The following TGFBR3 variants were observed in gnomAD, a reference collection of about 807,000 sequenced individuals.
TGFBR3 encodes the protein transforming growth factor beta receptor type 3.
TGFBR3 carries 46 observed loss-of-function variants against 87.9 expected under a neutral mutation model. The ratio of observed to expected loss-of-function variants is 0.52; its 90% confidence interval spans 0.41 to 0.67. The LOEUF (loss-of-function observed/expected upper bound fraction) is 0.67. TGFBR3 is among the 30% of genes least tolerant of loss of function. The probability of loss-of-function intolerance (pLI) is 0.00; values close to 1 mark genes in which losing one functional copy is unlikely to be tolerated. For synonymous variants in TGFBR3, 381 were observed against 391.6 expected (o/e 0.97, Z 0.32); for missense variants, 866 against 1,041.9 (o/e 0.83, Z 2.32).
chr1:91,747,304 A>G (rs1444263564), intron 4 of TGFBR3, among the ~76,000 whole-genome samples: 1 of 152,188 alleles, frequency 6.6e-6, no homozygotes, highest in Non-Finnish European at 1.5e-5. Context: ...CTGGGTAGGC[A>G]AATACAGAGG....
At chr1:91,712,900 A>G (rs1053347815) in intron 12 of TGFBR3, among the ~76,000 whole-genome samples, 1 of 152,256 alleles carries the variant, frequency 6.6e-6, no homozygotes, top group Admixed American at 6.5e-5. Context: ...AAACACCAGT[A>G]GGCAAAGTCC....
intron 3 of TGFBR3, among the ~76,000 whole-genome samples, chr1:91,780,920 CACACACACACACA>C (rs1674744135): frequency 6.6e-6 from 1 of 151,074 alleles, no homozygotes; most frequent in African/African-American, 2.4e-5. Flanking sequence ...CACACACACA[CACACACACACACA>C]GAGATCTCAT....
chr1:91,862,150 G>A (rs17881430), intron 1 of TGFBR3: 38,798 of 152,588 alleles, frequency 0.25, 5,492 homozygotes, highest in Non-Finnish European at 0.31. Flanking sequence ...CACCACGCCC[G>A]GCCCTGTTTT....
At chr1:91,819,444 T>A (rs1049884692) in intron 2 of TGFBR3, among the ~76,000 whole-genome samples, 6 of 151,712 alleles carry the variant, frequency 4.0e-5, no homozygotes, top group African/African-American at 1.5e-4. Context: ...GAGCTAGGGA[T>A]CCCACAGGCT....
At chr1:91,792,204 CT>C (rs1675220232) in intron 3 of TGFBR3, among the ~76,000 whole-genome samples, 1 of 152,184 alleles carries the variant, frequency 6.6e-6, no homozygotes, top group African/African-American at 2.4e-5. Context: ...CTGCACCCTT[CT>C]TTTTCCCTTG....
intron 2 of TGFBR3, among the ~76,000 whole-genome samples, chr1:91,850,952 C>T (rs758488512): frequency 1.3e-5 from 2 of 152,056 alleles, no homozygotes; most frequent in Non-Finnish European, 2.9e-5. Flanking sequence ...TGGACTAGGA[C>T]GCAGTTACTC....
chr1:91,709,415 T>C (rs184213965), intron 13 of TGFBR3, among the ~76,000 whole-genome samples: 114 of 152,372 alleles, frequency 7.5e-4, no homozygotes, highest in African/African-American at 2.6e-3. Context: ...AATACTTAGA[T>C]TGAAAAACAG....
At chr1:91,832,060 T>C (rs1676871500) in intron 2 of TGFBR3, among the ~76,000 whole-genome samples, 1 of 152,242 alleles carries the variant, frequency 6.6e-6, no homozygotes, top group Non-Finnish European at 1.5e-5. Flanking sequence ...TAGAGCAGAC[T>C]GGCTTTTATA....
intron 1 of TGFBR3, among the ~76,000 whole-genome samples, chr1:91,870,964 A>G (rs1485508454): frequency 6.6e-6 from 1 of 152,072 alleles, no homozygotes; most frequent in Non-Finnish European, 1.5e-5. Flanking sequence ...TGAGCCCAGA[A>G]GTTCAAGGCT....
chr1:91,719,703 C>G (rs904433938), intron 9 of TGFBR3, among the ~76,000 whole-genome samples, 190 bp downstream of exon 9: 4 of 134,190 alleles, frequency 3.0e-5, no homozygotes, highest in African/African-American at 8.0e-5. Flanking sequence ...CCCCCACCCC[C>G]TGTCACTGAG....
chr1:91,802,361 T>C (rs1473207302), intron 2 of TGFBR3, among the ~76,000 whole-genome samples: 1 of 151,920 alleles, frequency 6.6e-6, no homozygotes, highest in Admixed American at 6.6e-5. Context: ...CTCCTTTTTT[T>C]TCTTTTTCTT....
intron 3 of TGFBR3, chr1:91,770,849 C>G (rs984942735): frequency 2.6e-5 from 4 of 152,168 alleles, no homozygotes; most frequent in Admixed American, 2.0e-4. Flanking sequence ...TACCACACCC[C>G]TTTTCTCTAG....
chr1:91,842,067 A>G (rs1353660056), intron 2 of TGFBR3, among the ~76,000 whole-genome samples: 1 of 151,312 alleles, frequency 6.6e-6, no homozygotes, highest in Non-Finnish European at 1.5e-5. Flanking sequence ...GTGCCCCTGC[A>G]CTCCAGCCTG....
chr1:91,898,750 A>G (rs1679614180), intron 2 of TGFBR3, among the ~76,000 whole-genome samples: 1 of 152,126 alleles, frequency 6.6e-6, no homozygotes, highest in Non-Finnish European at 1.5e-5. Flanking sequence ...CATTGTTAAC[A>G]TTTTGACAAA....
At chr1:91,691,082 T>C (rs1671247047) in intron 16 of TGFBR3, among the ~76,000 whole-genome samples, 1 of 151,514 alleles carries the variant, frequency 6.6e-6, no homozygotes, top group East Asian at 1.9e-4. Flanking sequence ...AAAAACTCAG[T>C]AAAAAACTGA....
intron 2 of TGFBR3, among the ~76,000 whole-genome samples, chr1:91,849,323 C>T (rs1156295562): frequency 1.3e-5 from 2 of 152,106 alleles, no homozygotes; most frequent in Admixed American, 6.6e-5. Context: ...ACACCCGCAC[C>T]GTCTCCCACC....
At chr1:91,884,497 A>C (rs745788896) in intron 1 of TGFBR3, among the ~76,000 whole-genome samples, 10 of 152,226 alleles carry the variant, frequency 6.6e-5, no homozygotes, top group Admixed American at 1.3e-4. Context: ...TCAAATAGAA[A>C]GCTGAAAGAT....
At chr1:91,804,421 G>T (rs1044591023) in intron 2 of TGFBR3, among the ~76,000 whole-genome samples, 2 of 152,154 alleles carry the variant, frequency 1.3e-5, no homozygotes, top group African/African-American at 2.4e-5. Flanking sequence ...TTCTGGGTCA[G>T]GCCCTAGCCT....
Position 91,782,620 on chromosome 1 carries a change from G to A in TGFBR3, c.246+14667C>T, listed in dbSNP as rs191852130. Among the ~76,000 whole-genome samples the A allele has an allele frequency of 1.5e-3, 223 of 152,312 alleles. 3 individuals carry two copies. Among genetic ancestry groups the A allele is most frequent in the African/African-American group, 5.2e-3 (218 of 41,566 alleles). On this transcript the variant is annotated intron_variant, in intron 3 of 16. Transcript: ENST00000212355. The stretch of plus-strand genomic sequence containing the variant: ...TACCTAAGACTCCCAGAGAGTCAAT[G>A]CTCTTCAGGAACTATTCTGAGGCAG...
Sources: allele counts gnomAD v4.1 joint callset (sites outside exome capture counted in the v4.1 genomes callset), GRCh38; gene constraint gnomAD v4.1.1; transcripts MANE v1.5; gene names NCBI Gene and HGNC (gene_info 2026-07-23, HGNC 2026-07-21).